Variants in VPS13A observed in about 807,000 individuals in gnomAD.
The protein encoded by VPS13A is vacuolar protein sorting 13 homolog A.
In VPS13A, 264 loss-of-function variants were observed where a neutral mutation model predicts 390.9. That is an observed-to-expected ratio of 0.68 (90% CI 0.61 to 0.75). The LOEUF is 0.75. Ranked by LOEUF, VPS13A falls within the 30% of genes least tolerant of loss-of-function variation. VPS13A has a pLI of 0.00. For synonymous variants in VPS13A, 1,231 were observed against 1,227.1 expected, an observed-to-expected ratio of 1.00 and a Z score of -0.07; for missense variants, 3,409 against 3,733.9, an observed-to-expected ratio of 0.91 and a Z score of 2.27.
chr9:77,178,363 C>T (rs914959663), intron 1 of VPS13A, among the ~76,000 whole-genome samples: 5 of 152,254 alleles, frequency 3.3e-5, no homozygotes, highest in Admixed American at 6.5e-5. Flanking sequence ...TGCTCTCCCC[C>T]TTCCGGCCCT....
chr9:77,310,779 AGT>A (rs1298335009), intron 35 of VPS13A, among the ~76,000 whole-genome samples: 1 of 152,216 alleles, frequency 6.6e-6, no homozygotes, highest in Admixed American at 6.5e-5. Context: ...AGCCTTAAAG[AGT>A]GAGAGAAAAT....
intron 34 of VPS13A, among the ~76,000 whole-genome samples, chr9:77,306,472 CTTATT>C (rs1420100216): frequency 7.0e-6 from 1 of 142,398 alleles, no homozygotes; most frequent in Non-Finnish European, 1.5e-5. Context: ...AAGGGAGAGA[CTTATT>C]TTAAGGAATT....
intron 23 of VPS13A, among the ~76,000 whole-genome samples, chr9:77,267,500 C>A (rs1826102607): frequency 6.6e-6 from 1 of 152,182 alleles, no homozygotes. Flanking sequence ...GCGGAGGCTG[C>A]AGAACAGCAA....
Position 77,323,210 on chromosome 9 carries a change from A to G in VPS13A, c.5974A>G (p.Ile1992Val), listed in dbSNP as rs1396099365. The G allele has an allele frequency of 1.1e-5, 18 of 1,613,214 alleles. No individual in the cohort carries two copies. Among genetic ancestry groups the G allele is most frequent in the Non-Finnish European group, 1.4e-5 (16 of 1,179,452 alleles). The change falls in exon 45 of 72, where the codon ATT becomes GTT. Residue 1992 changes from isoleucine to valine, a missense_variant. Physicochemically the swap from Ile to Val is conservative, Grantham distance 29. Around this residue, in one of 5 missense-constraint regions of VPS13A, gnomAD observed 2,717 missense variants for 2,917.4 expected, o/e 0.93. Transcript: ENST00000360280. ...AGTAGAAGGAAGTAAGAAGGTCACA[A>G]TTCGCTCCCCAGTGCAGGTATGAAA... ...DTVEGSKKVT[I>V]RSPVQIRNHF...
intron 5 of VPS13A, 103 bp from the exon 6 acceptor site, chr9:77,209,320 T>C: frequency 1.3e-6 from 1 of 765,256 alleles, no homozygotes; most frequent in South Asian, 1.6e-5. Context: ...TACATATATA[T>C]GTATATTTCA....
At chr9:77,415,061 CAAAG>C (rs1391419789) in intron 71 of VPS13A, among the ~76,000 whole-genome samples, 3 of 152,150 alleles carry the variant, frequency 2.0e-5, no homozygotes, top group Non-Finnish European at 2.9e-5. Flanking sequence ...GAGCAAGTTA[CAAAG>C]AAAGAGGAAT....
At chr9:77,309,149 C>G (rs1828926744) in intron 35 of VPS13A, among the ~76,000 whole-genome samples, 1 of 152,178 alleles carries the variant, frequency 6.6e-6, no homozygotes, top group Non-Finnish European at 1.5e-5. Flanking sequence ...CCCACCACCA[C>G]CAGCTCACCC....
At chr9:77,368,294 A>T (rs1832549512) in intron 62 of VPS13A, among the ~76,000 whole-genome samples, 158 bp downstream of exon 62, 1 of 152,242 alleles carries the variant, frequency 6.6e-6, no homozygotes, top group African/African-American at 2.4e-5. Flanking sequence ...AAAGAAATTA[A>T]GCTCAATCAC....
intron 32 of VPS13A, 97 bp from the exon 33 acceptor site, chr9:77,295,444 GT>G (rs1281374832): frequency 1.6e-4 from 172 of 1,080,268 alleles, no homozygotes; most frequent in South Asian, 3.3e-4. Context: ...TCAAGTAAAA[GT>G]TTTTTTTTAA....
chr9:77,213,586 T>A (rs1343827944), intron 9 of VPS13A, among the ~76,000 whole-genome samples: 1 of 151,724 alleles, frequency 6.6e-6, no homozygotes, highest in Non-Finnish European at 1.5e-5. Flanking sequence ...AGCTTCTAAC[T>A]CTTGGGCTCA....
intron 68 of VPS13A, among the ~76,000 whole-genome samples, chr9:77,395,226 C>T (rs1409224408): frequency 6.6e-6 from 1 of 152,094 alleles, no homozygotes; most frequent in Non-Finnish European, 1.5e-5. Flanking sequence ...CACTTGAACA[C>T]TTAGAGGTCA....
intron 59 of VPS13A, among the ~76,000 whole-genome samples, chr9:77,365,080 G>A (rs1347654847): frequency 6.6e-6 from 1 of 152,100 alleles, no homozygotes; most frequent in Non-Finnish European, 1.5e-5. Context: ...ACTGATCTGT[G>A]TAGGATGCAT....
At chr9:77,312,061 T>G (rs990476516) in intron 35 of VPS13A, among the ~76,000 whole-genome samples, 1 of 151,826 alleles carries the variant, frequency 6.6e-6, no homozygotes, top group African/African-American at 2.4e-5. Context: ...ATGAATAAGT[T>G]TTAAAATCAA....
At chr9:77,354,670 G>A (rs970227516) in intron 54 of VPS13A, among the ~76,000 whole-genome samples, 5 of 151,994 alleles carry the variant, frequency 3.3e-5, no homozygotes, top group Admixed American at 6.6e-5. Context: ...TTGCAGTGGC[G>A]CACTCTATAT....
At position 77,304,120 on chromosome 9, in the gene VPS13A, G is replaced by A. The variant is rs149471599; in HGVS notation, c.3960+1058G>A. ...GGCTTTCAAGGGCAGAGGTCCCTGC[G>A]GCTTTCCACAGTGCATTGTGCCCCA... On this transcript the variant is annotated intron_variant, in intron 34 of 71. Coordinates refer to ENST00000360280, the MANE Select transcript of VPS13A (RefSeq NM_033305.3). Among the ~76,000 whole-genome samples, 877 of 152,268 alleles carry A rather than the reference G, an allele frequency of 5.8e-3. 12 individuals are homozygous for A. The highest frequency in any genetic ancestry group is 0.02 in the African/African-American group (845 of 41,554).
chr9:77,349,464 A>G (rs536199501), intron 52 of VPS13A, among the ~76,000 whole-genome samples: 1 of 151,372 alleles, frequency 6.6e-6, no homozygotes, highest in African/African-American at 2.4e-5. Context: ...TTTACTCTCC[A>G]CCCCCAAATA....
chr9:77,226,673 A>G, intron 15 of VPS13A, 75 bp downstream of exon 15: 1 of 1,450,104 alleles, frequency 6.9e-7, no homozygotes, highest in Admixed American at 1.7e-5. Context: ...TTGCCTAATT[A>G]AAGTAAATAG....
In VPS13A at chr9:77,205,356, A is replaced by G; in HGVS notation, c.231A>G (p.Gln77=). Residue 77 remains glutamine, a synonymous_variant, in exon 4 of 72, where the codon CAA becomes CAG. Transcript: ENST00000360280. The part of the protein sequence containing the change: ...LIIPWKNLYT[Q]PVEAVLEEIY... ...TTCCATGGAAAAACCTTTATACTCA[A>G]CCTGTTGAAGCCGTATTGGAAGAAA... 1.3e-6 allele frequency: 2 copies of G among 1,510,624 alleles called. No homozygotes were observed. Among genetic ancestry groups the G allele is most frequent in the Non-Finnish European group, 1.8e-6 (2 of 1,124,730 alleles). The allele number at this position is 1,510,624 out of a possible 1,614,324, so 93.6% of individuals were successfully genotyped here. A position where few individuals can be genotyped will look rare whatever the true frequency, so the allele number is the denominator to read the frequency against.
intron 39 of VPS13A, 37 bp from the exon 40 acceptor site, chr9:77,317,569 A>T (rs1331600313): frequency 2.1e-6 from 3 of 1,424,014 alleles, no homozygotes. Flanking sequence ...TTTTATATTT[A>T]AACATTAATT....
Sources: allele counts gnomAD v4.1 joint callset (sites outside exome capture counted in the v4.1 genomes callset), GRCh38; gene constraint gnomAD v4.1.1; regional missense constraint gnomAD v4.1.1; transcripts MANE v1.5; gene names NCBI Gene and HGNC (gene_info 2026-07-23, HGNC 2026-07-21).